GPHN: variants seen among roughly 807,000 people sequenced by gnomAD.
GPHN encodes gephyrin.
GPHN carries 17 observed loss-of-function variants against 95.5 expected under a neutral mutation model. The ratio of observed to expected loss-of-function variants is 0.18; its 90% CI spans 0.12 to 0.27. The LOEUF is 0.27. Among genes scored for constraint, GPHN ranks in the 10% least tolerant of loss-of-function variants. The pLI is 1.00. For missense variants in GPHN, 660 were observed against 978.1 expected (o/e 0.67, Z 4.34); for synonymous variants, 320 against 322.5 (o/e 0.99, Z 0.08).
chr14:66,776,222 A>G (rs2059378066), intron 2 of GPHN, among the ~76,000 whole-genome samples: 1 of 152,156 alleles, frequency 6.6e-6, no homozygotes, highest in African/African-American at 2.4e-5. Context: ...AATCATCAAT[A>G]AGAGGAGCTT....
chr14:66,868,496 C>A lies in GPHN; in HGVS notation c.295-11443C>A, dbSNP rs1034834420. ...GCAGCCTCTGCAACCCGGGTTCAAG[C>A]GATTCTCCTACCTCAGGCTCTTGAG... On this transcript the variant is annotated intron_variant, in intron 4 of 22. Coordinates refer to ENST00000478722, the MANE Select transcript of GPHN (RefSeq NM_020806.5). Among the ~76,000 whole-genome samples, 10 of 152,122 alleles carry A rather than the reference C, an allele frequency of 6.6e-5. No homozygotes were observed. The South Asian group carries it at 2.1e-3, about 32-fold the overall frequency.
rs142446264 is a variant in GPHN, at chr14:66,829,932, TAA to T, written c.294+5368_294+5369del. ...GAGCTAAGAATATATTTTACATTTT[TAA>T]ATGGCTGAAAAAATCAAAAGGAGAG... On this transcript the variant is annotated intron_variant, in intron 4 of 22. Coordinates refer to ENST00000478722, the MANE Select transcript of GPHN (RefSeq NM_020806.5). Among the ~76,000 whole-genome samples, 127 of 152,278 alleles carry T rather than the reference TAA, an allele frequency of 8.3e-4. 1 individual carries two copies. The East Asian group carries it at 0.021, about 26-fold the overall frequency.
chr14:66,859,636 C>T (rs578146160), intron 4 of GPHN, among the ~76,000 whole-genome samples: 117 of 152,182 alleles, frequency 7.7e-4, no homozygotes, highest in Middle Eastern at 6.8e-3. Context: ...AAATAAGGCA[C>T]TAGGGAATAA....
intron 10 of GPHN, among the ~76,000 whole-genome samples, chr14:67,050,582 T>C (rs779387876): frequency 6.6e-6 from 1 of 151,758 alleles, no homozygotes; most frequent in Non-Finnish European, 1.5e-5. Flanking sequence ...AAGACAAATA[T>C]AAACAAGGTA....
the GPHN span, chr14:67,383,516 T>C: frequency 6.3e-7 from 1 of 1,583,974 alleles, no homozygotes; most frequent in Non-Finnish European, 8.6e-7. Flanking sequence ...CTTGAAAGTT[T>C]TCCAGTATTG....
chr14:66,734,240 A>T (rs760348524), intron 2 of GPHN, among the ~76,000 whole-genome samples: 1 of 152,170 alleles, frequency 6.6e-6, no homozygotes, highest in Non-Finnish European at 1.5e-5. Context: ...TTTATTCAGG[A>T]TAGGCTACTA....
chr14:67,196,223 C>CTTTTTTTTTTT, the GPHN span, among the ~76,000 whole-genome samples: 1,325 of 142,828 alleles, frequency 9.3e-3, 6 homozygotes, highest in Non-Finnish European at 0.014. Flanking sequence ...TTCTTTCTTT[C>CTTTTTTTTTTT]TTTTTTTTTT....
intron 8 of GPHN, among the ~76,000 whole-genome samples, chr14:66,943,506 T>G (rs753805184): frequency 2.6e-5 from 4 of 152,228 alleles, no homozygotes; most frequent in African/African-American, 7.2e-5. Context: ...TTTATAAACT[T>G]AAAACATTTA....
At chr14:67,726,508 G>GCCAA in the GPHN span, among the ~76,000 whole-genome samples, 15 of 152,222 alleles carry the variant, frequency 9.9e-5, no homozygotes, top group Non-Finnish European at 1.9e-4. Context: ...GGCCAACCAA[G>GCCAA]CCATGGGTTG....
chr14:67,144,625 T>C (rs1595367186), intron 18 of GPHN, among the ~76,000 whole-genome samples: 2 of 152,132 alleles, frequency 1.3e-5, no homozygotes, highest in African/African-American at 4.8e-5. Context: ...AATTCATATT[T>C]TCTAAGAGTT....
chr14:67,054,030 C>T (rs2153645410), intron 10 of GPHN, among the ~76,000 whole-genome samples: 1 of 152,282 alleles, frequency 6.6e-6, no homozygotes, highest in East Asian at 1.9e-4. Flanking sequence ...AAGCTCAAAG[C>T]ATTCCCCTTG....
At chr14:67,548,778 C>G in the GPHN span, among the ~76,000 whole-genome samples, 2 of 152,228 alleles carry the variant, frequency 1.3e-5, no homozygotes, top group Non-Finnish European at 2.9e-5. Context: ...GCAGCGTTTA[C>G]CAAGTCCAGT....
Position 66,854,476 on chromosome 14 carries a change from C to G in GPHN, c.295-25463C>G, listed in dbSNP as rs1269936147. Among the ~76,000 whole-genome samples the G allele has an allele frequency of 2.0e-5, 3 of 152,140 alleles. No homozygotes were observed. The East Asian group carries it at 5.8e-4, about 29-fold the overall frequency. Reference sequence around the variant, plus strand: ...CCATCTTAAATGTACATACTTTTAGCAATTTAGATAAAATAGTGGAACACT... The same window carrying G: ...CCATCTTAAATGTACATACTTTTAGGAATTTAGATAAAATAGTGGAACACT... On this transcript the variant is annotated intron_variant, in intron 4 of 22. Transcript: ENST00000478722.
At chr14:67,674,937 C>A in the GPHN span, 1 of 152,914 alleles carries the variant, frequency 6.5e-6, no homozygotes, top group Non-Finnish European at 1.5e-5. Context: ...TAGTTTGGCT[C>A]GGACGAGAGC....
intron 1 of GPHN, among the ~76,000 whole-genome samples, chr14:66,603,715 G>A (rs561606440): frequency 3.6e-4 from 55 of 151,672 alleles, no homozygotes; most frequent in South Asian, 8.3e-4. Context: ...TATTTATCTT[G>A]GTAAATAAAT....
At chr14:66,590,039 A>G (rs771537480) in intron 1 of GPHN, among the ~76,000 whole-genome samples, 1 of 152,222 alleles carries the variant, frequency 6.6e-6, no homozygotes, top group Non-Finnish European at 1.5e-5. Flanking sequence ...AAACCGCGTA[A>G]CTACGTGGAA....
the GPHN span, among the ~76,000 whole-genome samples, chr14:67,330,736 G>A: frequency 6.9e-6 from 1 of 144,556 alleles, no homozygotes; most frequent in Non-Finnish European, 1.5e-5. Context: ...GGGATTATGG[G>A]CCTGAGCCCC....
rs138049746 is a variant in GPHN, at chr14:67,112,625, A to C, written c.1473-393A>C. 3.7e-4 allele frequency among the ~76,000 whole-genome samples: 57 copies of C among 152,310 alleles called. No homozygotes were observed. The East Asian group carries it at 9.3e-3, about 25-fold the overall frequency. On this transcript the variant is annotated intron_variant, in intron 15 of 22. Transcript: ENST00000478722. ...AAAGCTAGCCAGCTGTGGACCTCTT[A>C]TCATTAATGCCGCTAGATATTGCCA...
intron 2 of GPHN, among the ~76,000 whole-genome samples, chr14:66,710,864 T>G (rs189863126): frequency 6.6e-6 from 1 of 152,176 alleles, no homozygotes; most frequent in Non-Finnish European, 1.5e-5. Context: ...AGGTAATACA[T>G]GTAAAAGCTC....
Sources: allele counts gnomAD v4.1 joint callset (sites outside exome capture counted in the v4.1 genomes callset), GRCh38; gene constraint gnomAD v4.1.1; transcripts MANE v1.5; gene names NCBI Gene and HGNC (gene_info 2026-07-23, HGNC 2026-07-21).